TNFAIP2: variants seen among roughly 807,000 people sequenced by gnomAD.
TNFAIP2 encodes the protein TNF alpha induced protein 2.
A neutral mutation model predicts 63.5 loss-of-function variants in TNFAIP2; 47 were observed. The ratio of observed to expected loss-of-function variants is 0.74; its 90% CI spans 0.59 to 0.94. TNFAIP2 has a LOEUF of 0.94. Ranked by LOEUF, TNFAIP2 falls within the 40% of genes least tolerant of loss-of-function variation. The pLI is 0.00. For synonymous variants in TNFAIP2, 405 were observed against 390.2 expected (o/e 1.04, Z -0.45); for missense variants, 787 against 850.2 (o/e 0.93, Z 0.92).
chr14:103,129,030 G>T (rs536989605), intron 3 of TNFAIP2, among the ~76,000 whole-genome samples: 1 of 152,340 alleles, frequency 6.6e-6, no homozygotes, highest in South Asian at 2.1e-4. Context: ...AAACCTCTAG[G>T]CAGACAAAGG....
intron 8 of TNFAIP2, among the ~76,000 whole-genome samples, chr14:103,132,306 T>C (rs917690451): frequency 3.3e-5 from 5 of 152,090 alleles, no homozygotes; most frequent in African/African-American, 1.2e-4. Flanking sequence ...GTGGGGGGTC[T>C]CTCAAAAGGA....
Position 103,132,890 on chromosome 14 carries a change from T to C in TNFAIP2, c.1545+18T>C. 4.3e-6 allele frequency: 7 copies of C among 1,613,138 alleles called. No individual in the cohort carries two copies. Among genetic ancestry groups the C allele is most frequent in the Non-Finnish European group, 5.9e-6 (7 of 1,179,702 alleles). On this transcript the variant is annotated intron_variant, in intron 9 of 11. Transcript: ENST00000560869. ...TCCGGGAGGTGAGGAGGCTCTGGGC[T>C]GGTGGCTGGGTCTTGGGGAGTTGGG...
rs1357919272 is a variant in TNFAIP2, at chr14:103,123,557, C to G, written c.-543C>G. The G allele has an allele frequency of 2.0e-5, 3 of 152,346 alleles. No individual in the cohort carries two copies. The East Asian group carries it at 5.8e-4, about 29-fold the overall frequency. 9.4% of individuals were successfully genotyped at this position (152,346 alleles called of 1,614,324 possible). On this transcript the variant is annotated 5_prime_UTR_variant, in exon 1 of 12. Coordinates refer to ENST00000560869, the MANE Select transcript of TNFAIP2 (RefSeq NM_006291.4). ...CTTCTCGCCCGCCCCTACCCCGAGG[C>G]CAGGCCGGATTCCCCGAGGAAAGAG...
upstream of TNFAIP2, chr14:103,122,465 C>T (rs1433117441): frequency 2.9e-6 from 1 of 340,352 alleles, no homozygotes; most frequent in Non-Finnish European, 5.9e-6. Context: ...CGGGAAATTC[C>T]TAAATGTCTG....
chr14:103,125,096 G>T (rs1220158619), intron 1 of TNFAIP2, among the ~76,000 whole-genome samples: 1 of 152,258 alleles, frequency 6.6e-6, no homozygotes, highest in Non-Finnish European at 1.5e-5. Context: ...GGATCATCCT[G>T]CCTGCCTTGC....
intron 8 of TNFAIP2, among the ~76,000 whole-genome samples, chr14:103,132,086 G>T (rs2087988738): frequency 9.5e-6 from 1 of 105,378 alleles, no homozygotes; most frequent in Non-Finnish European, 2.0e-5. Flanking sequence ...AAGTTTCACT[G>T]CCCCTCCCCG....
At position 103,131,005 on chromosome 14, in the gene TNFAIP2, C is replaced by A. The variant is rs768313335; in HGVS notation, c.1200-47C>A. 1.3e-5 allele frequency: 21 copies of A among 1,593,854 alleles called. No individual in the cohort carries two copies. The East Asian group carries it at 4.2e-4, about 32-fold the overall frequency. ...AGGGCAGGGAGGCTGCTGCTGTGGT[C>A]CCAGTGTTTGGGCTGGTCCTGAATG... On this transcript the variant is annotated intron_variant, in intron 6 of 11. Transcript: ENST00000560869. This position sits in a 1 kb window ranked among gnomAD's most constrained non-coding sequence, Gnocchi z 4.0.
rs776714524 is a variant in TNFAIP2, at chr14:103,132,777, C to T, written c.1450C>T (p.Arg484Cys). 17 of 1,613,608 alleles carry T rather than the reference C, an allele frequency of 1.1e-5. No homozygotes were observed. Among genetic ancestry groups the T allele is most frequent in the East Asian group, 4.5e-5 (2 of 44,886 alleles). ...ACTGTTCAAGAGGTTCACGCACACCCGCTGGGCGGCCCCTGTGGAGACCCT... is the reference window on the plus strand; with the variant it reads ...ACTGTTCAAGAGGTTCACGCACACCTGCTGGGCGGCCCCTGTGGAGACCCT... Reference protein sequence around the residue: ...KPLFKRFTHTRWAAPVETLEN... With the variant: ...KPLFKRFTHTCWAAPVETLEN... The change falls in exon 9 of 12, where the codon CGC becomes TGC. Residue 484 changes from arginine (R) to cysteine (C), a missense_variant. Physicochemically the swap from Arg to Cys is radical, Grantham distance 180. This residue lies in a region of TNFAIP2 where 523 missense variants were observed against 604.1 expected (regional missense o/e 0.87). Coordinates refer to ENST00000560869, the MANE Select transcript of TNFAIP2 (RefSeq NM_006291.4).
At position 103,131,272 on chromosome 14, in the gene TNFAIP2, G is replaced by A; in HGVS notation, c.1298+122G>A. The A allele has an allele frequency of 9.5e-7, 1 of 1,056,772 alleles. No individual in the cohort carries two copies. Among genetic ancestry groups the A allele is most frequent in the Non-Finnish European group, 1.4e-6 (1 of 702,838 alleles). 65.5% of individuals were successfully genotyped at this position (1,056,772 alleles called of 1,614,324 possible). A position where few individuals can be genotyped will look rare whatever the true frequency, so the allele number is the denominator to read the frequency against. ...GAAGTGGAATTCAAACCAGCAACAT[G>A]TGTGAGGACTCCACGGCCTGCAGCA... On this transcript the variant is annotated intron_variant, in intron 7 of 11. Coordinates refer to ENST00000560869, the MANE Select transcript of TNFAIP2 (RefSeq NM_006291.4). This position sits in a 1 kb window ranked among gnomAD's most constrained non-coding sequence, Gnocchi z 4.0.
chr14:103,130,562 G>T, intron 6 of TNFAIP2, 147 bp downstream of exon 6: 2 of 812,930 alleles, frequency 2.5e-6, no homozygotes, highest in Non-Finnish European at 3.9e-6. Flanking sequence ...TTCCCACTCA[G>T]CCAGGGCACT....
At chr14:103,129,879 G>C (rs1320535929) in intron 4 of TNFAIP2, 25 bp downstream of exon 4, 6 of 1,610,134 alleles carry the variant, frequency 3.7e-6, no homozygotes, top group East Asian at 4.5e-5. Flanking sequence ...GGGCCAGGGA[G>C]GGGCAGGGAG....
rs778814065 is a variant in TNFAIP2, at chr14:103,129,829, A to G, written c.950A>G (p.Glu317Gly). 3 of 1,613,946 alleles carry G rather than the reference A, an allele frequency of 1.9e-6. No homozygotes were observed. In the Admixed American group the frequency reaches 5.0e-5, roughly 27 times the overall value. ...LLPPRQIRLL[E>G]ATFLSSEAAN... The stretch of plus-strand genomic sequence containing the variant: ...CCCCCCAGGCAGATCCGACTGCTGG[A>G]GGCCACATTCCTGTCCAGTGAGGCG... Residue 317 changes from glutamate to glycine, a missense_variant, in exon 4 of 12, where the codon GAG (glutamate) becomes GGG (glycine). This residue lies in a region of TNFAIP2 where 523 missense variants were observed against 604.1 expected (regional missense o/e 0.87). Coordinates refer to ENST00000560869, the MANE Select transcript of TNFAIP2 (RefSeq NM_006291.4).
At position 103,131,872 on chromosome 14, in the gene TNFAIP2, G is replaced by A. The variant is rs897058754; in HGVS notation, c.1422+110G>A. 1.4e-5 allele frequency: 20 copies of A among 1,439,208 alleles called. No individual in the cohort carries two copies. Among genetic ancestry groups the A allele is most frequent in the African/African-American group, 7.1e-5 (5 of 70,902 alleles). 89.2% of individuals were successfully genotyped at this position (1,439,208 alleles called of 1,614,324 possible). On this transcript the variant is annotated intron_variant, in intron 8 of 11. Coordinates refer to ENST00000560869, the MANE Select transcript of TNFAIP2 (RefSeq NM_006291.4). This position sits in a 1 kb window ranked among gnomAD's most constrained non-coding sequence, Gnocchi z 4.0. ...AGAAGCAAAGATGTGGGGAAGACAC[G>A]CTCCAGGCCTGTGGACGGCACCGTG...
At chr14:103,124,457 G>A (rs1424005341) in intron 1 of TNFAIP2, 1 of 152,660 alleles carries the variant, frequency 6.6e-6, no homozygotes, top group East Asian at 1.9e-4. Flanking sequence ...GTGTCACAGA[G>A]GGGAGAAGGC....
In TNFAIP2 at chr14:103,133,662, A is replaced by C; in HGVS notation, c.1702-20A>C. ...AGCCTCTGGACCCCTGGGTCCCTCCAACCACACCCACTCCTGCAGGGCTCC... is the reference window on the plus strand; with the variant it reads ...AGCCTCTGGACCCCTGGGTCCCTCCCACCACACCCACTCCTGCAGGGCTCC... On this transcript the variant is annotated intron_variant, in intron 10 of 11. Coordinates refer to ENST00000560869, the MANE Select transcript of TNFAIP2 (RefSeq NM_006291.4). The C allele has an allele frequency of 6.4e-7, 1 of 1,551,604 alleles. No individual in the cohort carries two copies. Among genetic ancestry groups the C allele is most frequent in the Non-Finnish European group, 8.7e-7 (1 of 1,151,142 alleles).
intron 11 of TNFAIP2, among the ~76,000 whole-genome samples, chr14:103,134,746 C>T (rs2139571399): frequency 6.6e-6 from 1 of 152,226 alleles, no homozygotes; most frequent in South Asian, 2.1e-4. Flanking sequence ...GTTCTAGTTA[C>T]CAGGATGCAA....
At chr14:103,133,143 A>AACACACACACATGTGAACACGTGAAC (rs3070502) in intron 9 of TNFAIP2, among the ~76,000 whole-genome samples, 1 of 151,722 alleles carries the variant, frequency 6.6e-6, no homozygotes, top group Non-Finnish European at 1.5e-5. Context: ...CGAGCATGTA[A>AACACACACACATGTGAACACGTGAAC]ACACACACAT....
rs752084520 is a variant in TNFAIP2 at position 103,131,657 on chromosome 14, T to C, written c.1317T>C (p.Asn439=). 3 of 1,599,240 alleles carry C rather than the reference T, an allele frequency of 1.9e-6. No individual in the cohort carries two copies. The highest frequency in any genetic ancestry group is 2.5e-6 in the Non-Finnish European group (3 of 1,177,548). Reference sequence around the variant, plus strand: ...CTTCCAGGATGTCCATGGAGCAGAATTGGCAGGTACCCCAGGACACCCTGA... The same window carrying C: ...CTTCCAGGATGTCCATGGAGCAGAACTGGCAGGTACCCCAGGACACCCTGA... The part of the protein sequence containing the change: ...CLSFRMSMEQ[N]WQVPQDTLSL... Residue 439 remains asparagine, a synonymous_variant, in exon 8 of 12, where the codon AAT becomes AAC. Transcript: ENST00000560869. This position sits in a 1 kb window ranked among gnomAD's most constrained non-coding sequence, Gnocchi z 4.0.
chr14:103,125,820 G>A (rs1021060825), intron 1 of TNFAIP2, among the ~76,000 whole-genome samples: 1 of 152,232 alleles, frequency 6.6e-6, no homozygotes, highest in African/African-American at 2.4e-5. Context: ...CTGGGCAGGA[G>A]GAGGCTGGGT....
Sources: allele counts gnomAD v4.1 joint callset (sites outside exome capture counted in the v4.1 genomes callset), GRCh38; gene constraint gnomAD v4.1.1; regional missense constraint gnomAD v4.1.1; non-coding constraint Gnocchi (gnomAD v3.1); transcripts MANE v1.5; gene names NCBI Gene and HGNC (gene_info 2026-07-23, HGNC 2026-07-21).